The following HECA variants were observed in gnomAD, a reference collection of about 807,000 sequenced individuals.
HECA encodes the protein HECA ribonucleoprotein granule regulator, also known as headcase protein homolog.
A neutral mutation model predicts 37.6 loss-of-function variants in HECA; 13 were observed. The ratio of observed to expected loss-of-function variants is 0.35; its 90% CI spans 0.23 to 0.55. The LOEUF (loss-of-function observed/expected upper bound fraction) is 0.55, where lower values mean the gene tolerates loss of function less well. HECA is among the 20% of genes least tolerant of loss of function. The probability of loss-of-function intolerance (pLI) is 0.90; values close to 1 mark genes in which losing one functional copy is unlikely to be tolerated. For synonymous variants in HECA, 307 were observed against 291.5 expected (o/e 1.05, Z -0.54); for missense variants, 527 against 701.9 (o/e 0.75, Z 2.82).
chr6:139,168,266 TACC>T (rs1774921479), intron 2 of HECA, among the ~76,000 whole-genome samples: 1 of 152,172 alleles, frequency 6.6e-6, no homozygotes, highest in Non-Finnish European at 1.5e-5. Context: ...CAGGATAAGA[TACC>T]ACAATTATTA....
At chr6:139,142,416 C>T (rs1774524898) in intron 1 of HECA, among the ~76,000 whole-genome samples, 1 of 152,086 alleles carries the variant, frequency 6.6e-6, no homozygotes, top group Non-Finnish European at 1.5e-5. Context: ...TGACAGATTG[C>T]CCTATTGAAA....
At chr6:139,163,100 G>T (rs1774830056) in intron 1 of HECA, among the ~76,000 whole-genome samples, 1 of 152,134 alleles carries the variant, frequency 6.6e-6, no homozygotes, top group South Asian at 2.1e-4. Context: ...ATTTTGGCTG[G>T]GACTTTTCAG....
intron 1 of HECA, among the ~76,000 whole-genome samples, chr6:139,139,256 A>G (rs1412471727): frequency 1.3e-5 from 2 of 152,216 alleles, no homozygotes; most frequent in African/African-American, 4.8e-5. Flanking sequence ...TTCTCAAATT[A>G]CTTGTCAAAT....
At chr6:139,149,228 G>C (rs1275162972) in intron 1 of HECA, among the ~76,000 whole-genome samples, 1 of 152,114 alleles carries the variant, frequency 6.6e-6, no homozygotes, top group Non-Finnish European at 1.5e-5. Context: ...CTGTGATTTG[G>C]AAGAGGTTTC....
Position 139,179,849 on chromosome 6 carries a change from A to G in HECA, c.*2744A>G, listed in dbSNP as rs1371633402. On this transcript the variant is annotated 3_prime_UTR_variant, in exon 4 of 4. Coordinates refer to ENST00000367658, the MANE Select transcript of HECA (RefSeq NM_016217.3). The stretch of plus-strand genomic sequence containing the variant: ...TTTGTTTTTCTGATGAATAGTGTTC[A>G]GTAAAATGAAGCAGTCTTAAGAGTG... 6.6e-6 allele frequency: 1 copy of G among 152,248 alleles called. No individual in the cohort carries two copies. The highest frequency in any genetic ancestry group is 1.5e-5 in the Non-Finnish European group (1 of 68,030). The allele number at this position is 152,248 out of a possible 1,614,324, so 9.4% of individuals were successfully genotyped here. A position where few individuals can be genotyped will look rare whatever the true frequency, so the allele number is the denominator to read the frequency against.
At chr6:139,175,694 A>G (rs545545274) in intron 3 of HECA, among the ~76,000 whole-genome samples, 1 of 152,320 alleles carries the variant, frequency 6.6e-6, no homozygotes, top group African/African-American at 2.4e-5. Context: ...ACCCAGGTCT[A>G]CATACATTGT....
intron 1 of HECA, among the ~76,000 whole-genome samples, chr6:139,157,648 A>T (rs1184616108): frequency 6.6e-6 from 1 of 152,278 alleles, no homozygotes; most frequent in Non-Finnish European, 1.5e-5. Context: ...ATAGAAAGTC[A>T]TGACTGACAA....
intron 1 of HECA, among the ~76,000 whole-genome samples, chr6:139,138,252 A>C (rs1774474723): frequency 6.6e-6 from 1 of 152,196 alleles, no homozygotes; most frequent in South Asian, 2.1e-4. Flanking sequence ...AATTCTCAAA[A>C]TCAACTAAGG....
At chr6:139,173,946 A>G (rs1460375711) in intron 2 of HECA, among the ~76,000 whole-genome samples, 2 of 152,116 alleles carry the variant, frequency 1.3e-5, no homozygotes, top group African/African-American at 4.8e-5. Flanking sequence ...CAGACTTTTG[A>G]TTTTTATGAT....
chr6:139,158,244 T>G (rs1774744414), intron 1 of HECA, among the ~76,000 whole-genome samples: 1 of 151,948 alleles, frequency 6.6e-6, no homozygotes, highest in Non-Finnish European at 1.5e-5. Context: ...GGCTCATGCC[T>G]GTAATCCCAG....
intron 1 of HECA, chr6:139,153,251 A>G (rs373986003): frequency 5.9e-5 from 9 of 152,316 alleles, no homozygotes; most frequent in African/African-American, 2.2e-4. Flanking sequence ...AGAATTAGAA[A>G]AAAAACAGGG....
intron 1 of HECA, among the ~76,000 whole-genome samples, chr6:139,147,496 G>C (rs1774598828): frequency 1.3e-5 from 2 of 151,988 alleles, no homozygotes; most frequent in African/African-American, 4.8e-5. Context: ...GTGGTGATGT[G>C]TGCCTGTAGT....
At chr6:139,156,981 A>C (rs558825160) in intron 1 of HECA, among the ~76,000 whole-genome samples, 1 of 152,344 alleles carries the variant, frequency 6.6e-6, no homozygotes, top group African/African-American at 2.4e-5. Context: ...CCGCAGTGCA[A>C]AGTGAAAGCA....
chr6:139,156,485 T>C (rs914805552), intron 1 of HECA, among the ~76,000 whole-genome samples: 3 of 152,240 alleles, frequency 2.0e-5, no homozygotes, highest in African/African-American at 2.4e-5. Context: ...GCTGGAATTA[T>C]AAGCGTGTGC....
chr6:139,168,312 A>G (rs372434837), intron 2 of HECA, among the ~76,000 whole-genome samples: 2 of 152,086 alleles, frequency 1.3e-5, no homozygotes, highest in East Asian at 1.9e-4. Context: ...ATGTGAATAT[A>G]TATATTTAAT....
chr6:139,179,729 G>A lies in HECA; in HGVS notation c.*2624G>A, dbSNP rs1382730607. ...GACCTTAATACCCCAAGCTTGCCCT[G>A]AATACTTTGATTGGAATTGGAATAT... is the stretch of plus-strand genomic sequence containing the variant. On this transcript the variant is annotated 3_prime_UTR_variant, in exon 4 of 4. Transcript: ENST00000367658. The A allele has an allele frequency of 6.6e-6, 1 of 152,110 alleles. No individual in the cohort carries two copies. The highest frequency in any genetic ancestry group is 1.5e-5 in the Non-Finnish European group (1 of 68,006). 9.4% of individuals were successfully genotyped at this position (152,110 alleles called of 1,614,324 possible).
intron 1 of HECA, among the ~76,000 whole-genome samples, chr6:139,140,043 T>C (rs1774495215): frequency 6.6e-6 from 1 of 152,222 alleles, no homozygotes; most frequent in Non-Finnish European, 1.5e-5. Flanking sequence ...TGTTGACAAG[T>C]AGATTTTTTT....
At chr6:139,143,568 T>TAGAA (rs1310230005) in intron 1 of HECA, among the ~76,000 whole-genome samples, 1 of 152,068 alleles carries the variant, frequency 6.6e-6, no homozygotes, top group Non-Finnish European at 1.5e-5. Flanking sequence ...CTTCCTTATA[T>TAGAA]AGAAATAAAC....
In HECA at chr6:139,167,032, C is replaced by T. The variant is rs150947459; in HGVS notation, c.1020C>T (p.Pro340=). 33 of 1,614,170 alleles carry T rather than the reference C, an allele frequency of 2.0e-5. No homozygotes were observed. Among genetic ancestry groups the T allele is most frequent in the African/African-American group, 8.0e-5 (6 of 75,054 alleles). Residue 340 remains proline, a synonymous_variant, in exon 2 of 4, where the codon CCC becomes CCT. Transcript: ENST00000367658. ...ACAGGGGGGGACACTTCGACACCCC[C>T]GTGCAGTTCCTTCGGCGGCTGGACC... ...AVHRGGHFDT[P]VQFLRRLDLS... is the part of the protein sequence containing the mutation.
Sources: allele counts gnomAD v4.1 joint callset (sites outside exome capture counted in the v4.1 genomes callset), GRCh38; gene constraint gnomAD v4.1.1; transcripts MANE v1.5; gene names NCBI Gene and HGNC (gene_info 2026-07-23, HGNC 2026-07-21).